CSGALNACT1: variants seen among roughly 807,000 people sequenced by gnomAD.
CSGALNACT1 encodes the protein chondroitin sulfate N-acetylgalactosaminyltransferase 1.
CSGALNACT1 carries 52 observed loss-of-function variants against 51.0 expected under a neutral mutation model. The observed-to-expected ratio is 1.02, with a 90% CI of 0.82 to 1.29. The LOEUF (loss-of-function observed/expected upper bound fraction) is 1.29, where lower values mean the gene tolerates loss of function less well. Among genes scored for constraint, CSGALNACT1 ranks in the 50% most tolerant of loss-of-function variants. The probability of loss-of-function intolerance (pLI) is 0.00; values close to 1 mark genes in which losing one functional copy is unlikely to be tolerated. For missense variants in CSGALNACT1, 935 were observed against 679.2 expected, an observed-to-expected ratio of 1.38 and a Z score of -4.19; for synonymous variants, 341 against 254.4, an observed-to-expected ratio of 1.34 and a Z score of -3.24.
At chr8:19,465,052 A>G (rs2066362663) in intron 4 of CSGALNACT1, among the ~76,000 whole-genome samples, 1 of 152,236 alleles carries the variant, frequency 6.6e-6, no homozygotes, top group Non-Finnish European at 1.5e-5. Context: ...ACTCATGATC[A>G]CAGCAGCATT....
chr8:19,722,708 C>T (rs540943553), intron 1 of CSGALNACT1, among the ~76,000 whole-genome samples: 64 of 152,268 alleles, frequency 4.2e-4, no homozygotes, highest in African/African-American at 1.3e-3. Context: ...GCACTCTCAC[C>T]GAGGGCAGGG....
intron 6 of CSGALNACT1, among the ~76,000 whole-genome samples, chr8:19,436,586 A>G (rs1192389515): frequency 6.6e-6 from 1 of 152,220 alleles, no homozygotes; most frequent in East Asian, 1.9e-4. Flanking sequence ...TGTTTAAATA[A>G]AGTTTCATGT....
intron 1 of CSGALNACT1, among the ~76,000 whole-genome samples, chr8:19,634,011 C>T (rs1302836108): frequency 3.3e-5 from 5 of 152,076 alleles, no homozygotes; most frequent in Non-Finnish European, 5.9e-5. Flanking sequence ...AGGGATGATG[C>T]CTAAAGGTCT....
At chr8:19,416,076 G>T (rs760125936) in intron 8 of CSGALNACT1, among the ~76,000 whole-genome samples, 2 of 151,358 alleles carry the variant, frequency 1.3e-5, no homozygotes. Context: ...CACCCAGGAA[G>T]GCAAGGTTAA....
At chr8:19,545,346 T>C (rs1312247660) in intron 3 of CSGALNACT1, among the ~76,000 whole-genome samples, 2 of 152,208 alleles carry the variant, frequency 1.3e-5, no homozygotes, top group Non-Finnish European at 2.9e-5. Flanking sequence ...TAATTGAACA[T>C]TTAAATTCAT....
At chr8:19,410,605 A>C (rs1166940075) in intron 8 of CSGALNACT1, among the ~76,000 whole-genome samples, 1 of 152,230 alleles carries the variant, frequency 6.6e-6, no homozygotes, top group African/African-American at 2.4e-5. Context: ...AGAGGGAGGC[A>C]TCCAGAGACT....
chr8:19,539,922 C>T (rs1259689317), intron 3 of CSGALNACT1, among the ~76,000 whole-genome samples: 5 of 152,264 alleles, frequency 3.3e-5, no homozygotes, highest in African/African-American at 1.2e-4. Flanking sequence ...AAAGTTCTGC[C>T]TGAGAGGAGT....
At chr8:19,750,601 C>G (rs2064970401) in intron 1 of CSGALNACT1, among the ~76,000 whole-genome samples, 2 of 152,170 alleles carry the variant, frequency 1.3e-5, no homozygotes, top group African/African-American at 4.8e-5. Context: ...CATGAGGAAG[C>G]TAAGCCTCAG....
At chr8:19,445,258 G>C (rs1489380104) in intron 5 of CSGALNACT1, among the ~76,000 whole-genome samples, 1 of 152,142 alleles carries the variant, frequency 6.6e-6, no homozygotes, top group Non-Finnish European at 1.5e-5. Context: ...TAGAATACAA[G>C]CACACACACA....
chr8:19,590,412 C>G (rs528474074), intron 3 of CSGALNACT1, among the ~76,000 whole-genome samples: 6 of 152,202 alleles, frequency 3.9e-5, no homozygotes, highest in African/African-American at 1.4e-4. Context: ...CACAACTGCC[C>G]TTTTAGTGGT....
intron 4 of CSGALNACT1, among the ~76,000 whole-genome samples, chr8:19,485,448 C>A (rs1156551590): frequency 6.6e-6 from 1 of 152,044 alleles, no homozygotes; most frequent in Non-Finnish European, 1.5e-5. Flanking sequence ...CAAGGGATCC[C>A]CAGAGAAACC....
intron 1 of CSGALNACT1, among the ~76,000 whole-genome samples, chr8:19,740,040 T>A (rs1174085641): frequency 6.6e-6 from 1 of 152,144 alleles, no homozygotes; most frequent in Non-Finnish European, 1.5e-5. Flanking sequence ...AAAATCCCTG[T>A]GATGTGGATG....
chr8:19,423,293 A>C (rs1430215256), intron 6 of CSGALNACT1, among the ~76,000 whole-genome samples: 2 of 152,252 alleles, frequency 1.3e-5, no homozygotes, highest in East Asian at 3.8e-4. Context: ...AATCATGTTG[A>C]GTAATTAAAT....
chr8:19,606,535 G>T (rs1394711110), upstream of CSGALNACT1, among the ~76,000 whole-genome samples: 1 of 152,114 alleles, frequency 6.6e-6, no homozygotes, highest in Non-Finnish European at 1.5e-5. Context: ...GAACACAACT[G>T]ATTTTAAAGG....
intron 3 of CSGALNACT1, among the ~76,000 whole-genome samples, chr8:19,545,974 A>G (rs1588130831): frequency 6.6e-6 from 1 of 151,954 alleles, no homozygotes; most frequent in African/African-American, 2.4e-5. Flanking sequence ...AACTGCATGT[A>G]TAGTTATAGT....
intron 1 of CSGALNACT1, among the ~76,000 whole-genome samples, chr8:19,672,552 C>A (rs995936340): frequency 6.6e-6 from 1 of 152,206 alleles, no homozygotes; most frequent in Non-Finnish European, 1.5e-5. Flanking sequence ...CTAAAGAATA[C>A]TATTGACTAT....
chr8:19,569,735 G>A lies in CSGALNACT1; in HGVS notation c.-297+21425C>T, dbSNP rs150981647. On this transcript the variant is annotated intron_variant, in intron 3 of 9. Transcript: ENST00000454498. Reference sequence around the variant, plus strand: ...GCTATGACCCAGTAAGTCAAGAACAGACATGTCCACCAGAAAGCACGAACA... The same window carrying A: ...GCTATGACCCAGTAAGTCAAGAACAAACATGTCCACCAGAAAGCACGAACA... Among the ~76,000 whole-genome samples the A allele has an allele frequency of 5.5e-3, 843 of 152,250 alleles. 8 individuals carry two copies. The highest frequency in any genetic ancestry group is 0.019 in the African/African-American group (796 of 41,546).
At chr8:19,712,126 C>A (rs555283405) in intron 1 of CSGALNACT1, among the ~76,000 whole-genome samples, 1 of 152,220 alleles carries the variant, frequency 6.6e-6, no homozygotes, top group Non-Finnish European at 1.5e-5. Flanking sequence ...CCCAGGTTCA[C>A]GGCATTCTCC....
chr8:19,742,179 G>T (rs1375650827), intron 1 of CSGALNACT1, among the ~76,000 whole-genome samples: 1 of 152,184 alleles, frequency 6.6e-6, no homozygotes, highest in Non-Finnish European at 1.5e-5. Flanking sequence ...ATAAATGTTT[G>T]CTATCATTCC....
Sources: allele counts gnomAD v4.1 joint callset (sites outside exome capture counted in the v4.1 genomes callset), GRCh38; gene constraint gnomAD v4.1.1; transcripts MANE v1.5; gene names NCBI Gene and HGNC (gene_info 2026-07-23, HGNC 2026-07-21).